SCN2A: variants seen among roughly 807,000 people sequenced by gnomAD.
SCN2A encodes sodium voltage-gated channel alpha subunit 2, also known as sodium channel protein type 2 subunit alpha.
Under a neutral mutation model 188.7 loss-of-function variants are expected in SCN2A, and 20 were observed. The observed-to-expected ratio is 0.11, with a 90% CI of 0.07 to 0.15. SCN2A has a LOEUF of 0.15. Ranked by LOEUF, SCN2A falls within the 10% of genes least tolerant of loss-of-function variation. The pLI is 1.00. For synonymous variants in SCN2A, 804 were observed against 833.1 expected (o/e 0.97, Z 0.60); for missense variants, 1,278 against 2,445.0 (o/e 0.52, Z 10.07).
chr2:165,266,162 T>C (rs1489542497), intron 1 of SCN2A, among the ~76,000 whole-genome samples: 1 of 152,092 alleles, frequency 6.6e-6, no homozygotes, highest in African/African-American at 2.4e-5. Context: ...AATACATATA[T>C]TTGTATTACC....
chr2:165,331,174 G>A (rs1026175414), intron 13 of SCN2A, among the ~76,000 whole-genome samples, 156 bp from the exon 14 acceptor site: 2 of 152,130 alleles, frequency 1.3e-5, no homozygotes, highest in African/African-American at 2.4e-5. Flanking sequence ...TTCTATGACA[G>A]CAAACCCATT....
intron 1 of SCN2A, among the ~76,000 whole-genome samples, chr2:165,277,269 T>C (rs761277901): frequency 6.6e-6 from 1 of 152,172 alleles, no homozygotes; most frequent in Non-Finnish European, 1.5e-5. Flanking sequence ...CATATTTTTA[T>C]GCAAATCTCA....
At position 165,291,508 on chromosome 2, in the gene SCN2A, T is replaced by TC. The variant is rs1461550779; in HGVS notation, c.-51-4265_-51-4264insC. On this transcript the variant is annotated intron_variant, in intron 1 of 26. Transcript: ENST00000375437. The stretch of plus-strand genomic sequence containing the variant: ...TTTCTTTCTTTTCTTTCTTTCTTTC[T>TC]TTCTTCCTCTCCTTTCTTTCCTTCC... 2.3e-5 allele frequency among the ~76,000 whole-genome samples: 3 copies of TC among 129,376 alleles called. 1 individual carries two copies. The highest frequency in any genetic ancestry group is 9.1e-5 in the African/African-American group (3 of 33,148). 84.9% of individuals were successfully genotyped at this position (129,376 alleles called of 152,430 possible).
chr2:165,256,445 CT>C (rs1694332521), intron 1 of SCN2A, among the ~76,000 whole-genome samples: 1 of 152,122 alleles, frequency 6.6e-6, no homozygotes, highest in South Asian at 2.1e-4. Context: ...AATTTACTAT[CT>C]TTAATGATAG....
At chr2:165,288,983 C>T (rs1206521887) in intron 1 of SCN2A, among the ~76,000 whole-genome samples, 1 of 152,014 alleles carries the variant, frequency 6.6e-6, no homozygotes, top group East Asian at 1.9e-4. Flanking sequence ...TAAAAGGCCA[C>T]TTCCAGAAAA....
intron 14 of SCN2A, among the ~76,000 whole-genome samples, chr2:165,339,032 CA>C (rs1699165360): frequency 6.6e-6 from 1 of 152,046 alleles, no homozygotes; most frequent in African/African-American, 2.4e-5. Flanking sequence ...CCAGCCTGGC[CA>C]ACATAGTGAA....
chr2:165,256,098 C>A (rs565857713), intron 1 of SCN2A, among the ~76,000 whole-genome samples: 1 of 150,994 alleles, frequency 6.6e-6, no homozygotes, highest in Non-Finnish European at 1.5e-5. Context: ...CTCCGCCTCC[C>A]GGGTTCAAAC....
chr2:165,391,751 A>G lies in SCN2A; in HGVS notation c.*1927A>G, dbSNP rs1702131600. On this transcript the variant is annotated 3_prime_UTR_variant, in exon 27 of 27. Coordinates refer to ENST00000375437, the MANE Select transcript of SCN2A (RefSeq NM_001040142.2). ...ATTCAGTAATCATCAGTCTTTTCCAATGTTTGTTTACACAGATAGATCTTA... is the reference window on the plus strand; with the variant it reads ...ATTCAGTAATCATCAGTCTTTTCCAGTGTTTGTTTACACAGATAGATCTTA... The G allele has an allele frequency of 6.6e-6, 1 of 152,560 alleles. No homozygotes were observed. Among genetic ancestry groups the G allele is most frequent in the Non-Finnish European group, 1.5e-5 (1 of 67,972 alleles). The allele number at this position is 152,560 out of a possible 1,614,324, so 9.5% of individuals were successfully genotyped here. A position where few individuals can be genotyped will look rare whatever the true frequency, so the allele number is the denominator to read the frequency against.
intron 1 of SCN2A, among the ~76,000 whole-genome samples, chr2:165,249,749 G>C (rs1386872362): frequency 6.6e-6 from 1 of 151,836 alleles, no homozygotes; most frequent in Admixed American, 6.6e-5. Context: ...CTCAGCTTAA[G>C]TATTTTCCAT....
At chr2:165,287,128 G>A (rs527842222) in intron 1 of SCN2A, among the ~76,000 whole-genome samples, 9 of 152,298 alleles carry the variant, frequency 5.9e-5, no homozygotes, top group African/African-American at 2.2e-4. Flanking sequence ...AGGAACAAAA[G>A]GAAGTAAAGT....
chr2:165,339,134 T>A (rs1188119547), intron 14 of SCN2A, among the ~76,000 whole-genome samples: 2 of 151,818 alleles, frequency 1.3e-5, no homozygotes, highest in African/African-American at 2.4e-5. Flanking sequence ...GGCAGGAGAA[T>A]TGCTTGAACC....
intron 1 of SCN2A, among the ~76,000 whole-genome samples, chr2:165,256,583 A>G (rs1449062383): frequency 6.6e-6 from 1 of 152,158 alleles, no homozygotes; most frequent in Non-Finnish European, 1.5e-5. Context: ...TAATTTCTGC[A>G]TTTTCAAATA....
At chr2:165,363,075 T>C (rs1700543546) in intron 17 of SCN2A, among the ~76,000 whole-genome samples, 1 of 152,178 alleles carries the variant, frequency 6.6e-6, no homozygotes, top group South Asian at 2.1e-4. Flanking sequence ...TTTGCACATT[T>C]TAATGAAGAT....
chr2:165,264,280 G>A (rs572941891), intron 1 of SCN2A, among the ~76,000 whole-genome samples: 269 of 152,158 alleles, frequency 1.8e-3, no homozygotes, highest in African/African-American at 6.2e-3. Context: ...TTGTACCAGG[G>A]ATGCAGGGAT....
At chr2:165,257,628 T>C in intron 1 of SCN2A, among the ~76,000 whole-genome samples, 1 of 152,192 alleles carries the variant, frequency 6.6e-6, no homozygotes, top group African/African-American at 2.4e-5. Flanking sequence ...AAGCTCCGCC[T>C]TCCGGGTTCA....
rs1574723722 is a variant in SCN2A at position 165,377,646 on chromosome 2, G to A, written c.4304G>A (p.Arg1435Gln). The stretch of plus-strand genomic sequence containing the variant: ...ATTATGTATGCAGCTGTTGATTCAC[G>A]AAATGTAAGTCTAGTTAGAGGGAAA... The part of the protein sequence containing the change: ...MDIMYAAVDS[R>Q]NVELQPKYED... The change falls in exon 23 of 27, where the codon CGA becomes CAA. Residue 1435 changes from arginine to glutamine, a missense_variant. Arg to Gln is a conservative substitution (Grantham distance 43, BLOSUM62 1). Around this residue, in one of 17 missense-constraint regions of SCN2A, gnomAD observed 97 missense variants for 266.1 expected, o/e 0.36. Transcript: ENST00000375437. 1 of 1,604,684 alleles carries A rather than the reference G, an allele frequency of 6.2e-7. No homozygotes were observed. The highest frequency in any genetic ancestry group is 2.2e-5 in the East Asian group (1 of 44,532).
chr2:165,354,189 C>A lies in SCN2A; in HGVS notation c.2920-3C>A. Reference sequence around the variant, plus strand: ...ATCACCTGTTTTTCCTGCTGTGTTTCAGGTTCTGAACCTCTTCTTGGCCTT... The same window carrying A: ...ATCACCTGTTTTTCCTGCTGTGTTTAAGGTTCTGAACCTCTTCTTGGCCTT... On this transcript the variant is annotated splice_region_variant and splice_polypyrimidine_tract_variant and intron_variant, in intron 16 of 26. Coordinates refer to ENST00000375437, the MANE Select transcript of SCN2A (RefSeq NM_001040142.2). 6.2e-7 allele frequency: 1 copy of A among 1,613,576 alleles called. No homozygotes were observed. The highest frequency in any genetic ancestry group is 1.1e-5 in the South Asian group (1 of 91,048).
intron 1 of SCN2A, among the ~76,000 whole-genome samples, chr2:165,279,602 G>A (rs1356727291): frequency 6.6e-6 from 1 of 151,902 alleles, no homozygotes; most frequent in Admixed American, 6.6e-5. Context: ...GGAAACAAAC[G>A]GAAGAATGGA....
chr2:165,354,146 A>G lies in SCN2A; in HGVS notation c.2920-46A>G, dbSNP rs533904756. 3 of 1,611,280 alleles carry G rather than the reference A, an allele frequency of 1.9e-6. No individual in the cohort carries two copies. In the African/African-American group the frequency reaches 4.0e-5, roughly 21 times the overall value. ...GAAAACTAATGATGGAAAGCAATTG[A>G]AGCAATAGAATGTTTTGATCACCTG... On this transcript the variant is annotated intron_variant, in intron 16 of 26. Transcript: ENST00000375437.
Sources: gnomAD v4.1 joint callset for allele counts (sites outside exome capture counted in the v4.1 genomes callset) on GRCh38, gnomAD v4.1.1 for gene constraint, gnomAD v4.1.1 regional missense constraint, MANE v1.5 for transcripts, NCBI Gene and HGNC (gene_info 2026-07-23, HGNC 2026-07-21) for gene names.